The following CC2D2A variants were observed in gnomAD, a reference collection of about 807,000 sequenced individuals.
The protein encoded by CC2D2A is coiled-coil and C2 domain-containing protein 2A.
CC2D2A carries 155 observed loss-of-function variants against 212.9 expected under a neutral mutation model. The ratio of observed to expected loss-of-function variants is 0.73; its 90% confidence interval spans 0.64 to 0.83. CC2D2A has a LOEUF of 0.83. Ranked by LOEUF, CC2D2A falls within the 40% of genes least tolerant of loss-of-function variation. The pLI is 0.00. For missense variants in CC2D2A, 1,856 were observed against 1,956.2 expected, an observed-to-expected ratio of 0.95 and a Z score of 0.97; for synonymous variants, 667 against 686.5, an observed-to-expected ratio of 0.97 and a Z score of 0.44.
intron 31 of CC2D2A, among the ~76,000 whole-genome samples, chr4:15,586,850 G>GTAT (rs1285003561): frequency 1.3e-5 from 2 of 152,160 alleles, no homozygotes; most frequent in African/African-American, 2.4e-5. Flanking sequence ...AAACTGAACT[G>GTAT]TATTATACAA....
intron 8 of CC2D2A, among the ~76,000 whole-genome samples, chr4:15,514,196 A>C (rs544439216): frequency 6.6e-6 from 1 of 152,338 alleles, no homozygotes; most frequent in South Asian, 2.1e-4. Flanking sequence ...ATAAGTGAGG[A>C]AACTGAGGAT....
At chr4:15,578,515 TA>T (rs1476108241) in intron 29 of CC2D2A, among the ~76,000 whole-genome samples, 1 of 152,190 alleles carries the variant, frequency 6.6e-6, no homozygotes, top group Non-Finnish European at 1.5e-5. Flanking sequence ...ACACTGGAGA[TA>T]AAAAAACAAA....
chr4:15,554,201 G>A (rs1719152513), intron 19 of CC2D2A, among the ~76,000 whole-genome samples: 1 of 152,180 alleles, frequency 6.6e-6, no homozygotes, highest in African/African-American at 2.4e-5. Context: ...CTTGCATTTA[G>A]TGCTAGAAAA....
At chr4:15,476,037 T>C (rs2108965973) in intron 2 of CC2D2A, 66 bp downstream of exon 2, 1 of 1,436,874 alleles carries the variant, frequency 7.0e-7, no homozygotes, top group South Asian at 1.3e-5. Context: ...TACACGTGTT[T>C]GTGAATGAGG....
intron 1 of CC2D2A, among the ~76,000 whole-genome samples, chr4:15,471,355 G>T (rs1236180427): frequency 6.6e-6 from 1 of 151,046 alleles, no homozygotes; most frequent in Non-Finnish European, 1.5e-5. Flanking sequence ...CATGAGTTAT[G>T]GTAGCTGGGG....
intron 4 of CC2D2A, among the ~76,000 whole-genome samples, chr4:15,496,675 G>T (rs1262135537): frequency 6.6e-6 from 1 of 152,028 alleles, no homozygotes; most frequent in Non-Finnish European, 1.5e-5. Flanking sequence ...TGTAGCATCT[G>T]CCCAAAGGCT....
intron 1 of CC2D2A, 45 bp downstream of exon 1, chr4:15,470,102 C>G (rs1402075080): frequency 6.6e-6 from 1 of 152,160 alleles, no homozygotes; most frequent in African/African-American, 2.4e-5. Flanking sequence ...CAGTGATTTC[C>G]TGTTTTCAGT....
rs1482377305 is a variant in CC2D2A, at chr4:15,469,975, T to C, written c.-101T>C. 6.6e-6 allele frequency: 1 copy of C among 152,184 alleles called. No individual in the cohort carries two copies. The highest frequency in any genetic ancestry group is 1.5e-5 in the Non-Finnish European group (1 of 68,044). 9.4% of individuals were successfully genotyped at this position (152,184 alleles called of 1,614,324 possible). On this transcript the variant is annotated 5_prime_UTR_variant, in exon 1 of 37. The change abolishes the stop of an existing upstream ORF in the 5' untranslated region. Transcript: ENST00000424120. ...CTCAGCCTTTCCCTCCGGACCCTTTTAAAAGATTCAACAGCACCGTCTCTC... is the reference window on the plus strand; with the variant it reads ...CTCAGCCTTTCCCTCCGGACCCTTTCAAAAGATTCAACAGCACCGTCTCTC...
rs532793042 is a variant in CC2D2A, at chr4:15,566,816, A to T, written c.3183-561A>T. Among the ~76,000 whole-genome samples, 15 of 152,192 alleles carry T rather than the reference A, an allele frequency of 9.9e-5. No individual in the cohort carries two copies. The South Asian group carries it at 2.7e-3, about 27-fold the overall frequency. ...CTGAGACCTCTGGTCCCTACAAAAA[A>T]TTTTAAAAATTAGCTGGGCATGGTG... On this transcript the variant is annotated intron_variant, in intron 24 of 36. Coordinates refer to ENST00000424120, the MANE Select transcript of CC2D2A (RefSeq NM_001378615.1).
chr4:15,533,570 GC>G (rs1455222052), intron 14 of CC2D2A: 31 of 338,182 alleles, frequency 9.2e-5, no homozygotes, highest in Admixed American at 8.9e-4. Context: ...TTATACTTTT[GC>G]CAACTATGTG....
At position 15,538,157 on chromosome 4, in the gene CC2D2A, G is replaced by A. The variant is rs375933217; in HGVS notation, c.2003+20G>A. On this transcript the variant is annotated intron_variant, in intron 16 of 36. Transcript: ENST00000424120. Reference sequence around the variant, plus strand: ...CCCCAGGTGAGTGGATGCTCCGACCGTAAATGAGGCTGACATCTGATACAC... The same window carrying A: ...CCCCAGGTGAGTGGATGCTCCGACCATAAATGAGGCTGACATCTGATACAC... 7.3e-6 allele frequency: 11 copies of A among 1,512,836 alleles called. No homozygotes were observed. Among genetic ancestry groups the A allele is most frequent in the Middle Eastern group, 3.5e-4 (2 of 5,650 alleles). The allele number at this position is 1,512,836 out of a possible 1,614,324, so 93.7% of individuals were successfully genotyped here. A position where few individuals can be genotyped will look rare whatever the true frequency, so the allele number is the denominator to read the frequency against.
intron 11 of CC2D2A, chr4:15,519,817 A>C (rs1157516834): frequency 6.4e-6 from 2 of 310,830 alleles, no homozygotes; most frequent in African/African-American, 2.2e-5. Flanking sequence ...ATCACCTCCC[A>C]CCCAGTTCCT....
intron 6 of CC2D2A, among the ~76,000 whole-genome samples, chr4:15,504,001 C>T (rs1203888051): frequency 1.3e-5 from 2 of 152,108 alleles, no homozygotes; most frequent in Non-Finnish European, 2.9e-5. Context: ...CAGCAAATGG[C>T]TCAGGAGGTG....
At position 15,570,403 on chromosome 4, in the gene CC2D2A, C is replaced by T. The variant is rs779304750; in HGVS notation, c.3501C>T (p.Asp1167=). 31 of 1,592,150 alleles carry T rather than the reference C, an allele frequency of 1.9e-5. No individual in the cohort carries two copies. In the East Asian group the frequency reaches 3.8e-4, roughly 20 times the overall value. ...ACTTCCCACCCTTCCTTTAGGATGA[C>T]CGTGAAAGAGGAAGTGGAATCCATA... is the stretch of plus-strand genomic sequence containing the variant. The part of the protein sequence containing the change: ...DEVLHDVLED[D]RERGSGIHTR... The change falls in exon 28 of 37, where the codon GAC becomes GAT. Residue 1167 remains aspartate, a synonymous_variant. Transcript: ENST00000424120.
intron 36 of CC2D2A, 120 bp from the exon 37 acceptor site, chr4:15,601,117 A>C (rs542411435): frequency 3.4e-5 from 28 of 820,400 alleles, no homozygotes; most frequent in Non-Finnish European, 4.5e-5. Context: ...AGCTGAGTAG[A>C]AAAACACAAG....
chr4:15,512,823 G>A (rs775167651), intron 8 of CC2D2A, among the ~76,000 whole-genome samples: 2 of 152,016 alleles, frequency 1.3e-5, no homozygotes, highest in African/African-American at 2.4e-5. Context: ...TGTGGTGGCA[G>A]GCACCTGTAA....
chr4:15,591,952 G>A (rs1721125493), intron 33 of CC2D2A, among the ~76,000 whole-genome samples: 1 of 152,136 alleles, frequency 6.6e-6, no homozygotes, highest in South Asian at 2.1e-4. Context: ...ATGATGTTGT[G>A]CATCCCCCAT....
chr4:15,586,850 G>T lies in CC2D2A; in HGVS notation c.4065+604G>T, dbSNP rs115499790. Among the ~76,000 whole-genome samples, 406 of 152,278 alleles carry T rather than the reference G, an allele frequency of 2.7e-3. 3 individuals are homozygous for T. Among genetic ancestry groups the T allele is most frequent in the African/African-American group, 9.2e-3 (383 of 41,550 alleles). On this transcript the variant is annotated intron_variant, in intron 31 of 36. Coordinates refer to ENST00000424120, the MANE Select transcript of CC2D2A (RefSeq NM_001378615.1). ...TACTGCTTTTGCATAAAACTGAACT[G>T]TATTATACAACTTCCTTTGAAGTAT...
chr4:15,517,983 C>T (rs370902762), intron 11 of CC2D2A, among the ~76,000 whole-genome samples: 15 of 152,234 alleles, frequency 9.9e-5, no homozygotes, highest in African/African-American at 3.4e-4. Flanking sequence ...AAGACCCACC[C>T]CCATAATTCA....
Sources: allele counts gnomAD v4.1 joint callset (sites outside exome capture counted in the v4.1 genomes callset), GRCh38; gene constraint gnomAD v4.1.1; transcripts MANE v1.5; gene names NCBI Gene and HGNC (gene_info 2026-07-23, HGNC 2026-07-21).